The following MIPOL1 variants were observed in gnomAD, a reference collection of about 807,000 sequenced individuals.
The protein encoded by MIPOL1 is mirror-image polydactyly gene 1 protein.
A neutral mutation model predicts 60.9 loss-of-function variants in MIPOL1; 57 were observed. That is an observed-to-expected ratio of 0.94 (90% CI 0.76 to 1.17). The LOEUF (loss-of-function observed/expected upper bound fraction) is 1.17, where lower values mean the gene tolerates loss of function less well. Ranked by LOEUF, MIPOL1 falls within the 50% of genes most tolerant of loss-of-function variation. The pLI is 0.00. For missense variants in MIPOL1, 551 were observed against 511.6 expected (o/e 1.08, Z -0.74); for synonymous variants, 179 against 168.8 (o/e 1.06, Z -0.47).
intron 7 of MIPOL1, among the ~76,000 whole-genome samples, chr14:37,288,541 C>T (rs2084783892): frequency 1.3e-5 from 2 of 152,066 alleles, no homozygotes; most frequent in South Asian, 4.1e-4. Flanking sequence ...TGGTAGCTCA[C>T]ACCTGTAATC....
chr14:37,456,550 A>G (rs1336135357), intron 11 of MIPOL1, among the ~76,000 whole-genome samples: 2 of 152,246 alleles, frequency 1.3e-5, no homozygotes, highest in Admixed American at 6.5e-5. Flanking sequence ...GTAATCCACT[A>G]TTTCAATCCC....
At chr14:37,458,665 A>T (rs1292836364) in intron 11 of MIPOL1, among the ~76,000 whole-genome samples, 9 of 151,918 alleles carry the variant, frequency 5.9e-5, no homozygotes, top group Admixed American at 5.9e-4. Context: ...CTAAAAAAAA[A>T]ATACACACAC....
intron 1 of MIPOL1, among the ~76,000 whole-genome samples, chr14:37,207,276 G>T (rs1038057282): frequency 6.6e-6 from 1 of 151,900 alleles, no homozygotes; most frequent in Non-Finnish European, 1.5e-5. Context: ...GAACCCTTTC[G>T]CTTGGCTTTC....
At chr14:37,253,392 A>G (rs189771154) in intron 3 of MIPOL1, among the ~76,000 whole-genome samples, 208 of 151,930 alleles carry the variant, frequency 1.4e-3, no homozygotes, top group African/African-American at 4.9e-3. Flanking sequence ...GAGGAATGCT[A>G]TATGTAAAGT....
At chr14:37,461,258 A>G (rs2094535152) in intron 11 of MIPOL1, among the ~76,000 whole-genome samples, 2 of 152,230 alleles carry the variant, frequency 1.3e-5, no homozygotes, top group African/African-American at 4.8e-5. Context: ...CCTCACAATC[A>G]TGGCAGAAGG....
At chr14:37,512,493 C>T (rs2095336448) in intron 12 of MIPOL1, among the ~76,000 whole-genome samples, 1 of 148,918 alleles carries the variant, frequency 6.7e-6, no homozygotes, top group South Asian at 2.1e-4. Context: ...AAAAAAAAAG[C>T]CTGCTATTTT....
chr14:37,200,900 A>ATT (rs60919541), intron 1 of MIPOL1, among the ~76,000 whole-genome samples: 2 of 53,942 alleles, frequency 3.7e-5, no homozygotes, highest in Admixed American at 2.6e-4. Context: ...GTGTGTGTGT[A>ATT]TTTTTTTTTT....
intron 12 of MIPOL1, among the ~76,000 whole-genome samples, chr14:37,520,206 A>G (rs1192075420): frequency 6.6e-6 from 1 of 152,150 alleles, no homozygotes; most frequent in African/African-American, 2.4e-5. Context: ...TTGATATATT[A>G]TCTCTACTAG....
At chr14:37,291,851 A>G (rs889904475) in intron 7 of MIPOL1, among the ~76,000 whole-genome samples, 8 of 150,692 alleles carry the variant, frequency 5.3e-5, no homozygotes, top group Non-Finnish European at 1.0e-4. Flanking sequence ...AGAGGAGCCT[A>G]GTGGCCTAAT....
intron 12 of MIPOL1, among the ~76,000 whole-genome samples, chr14:37,541,257 A>G (rs1355053347): frequency 6.6e-6 from 1 of 152,174 alleles, no homozygotes; most frequent in African/African-American, 2.4e-5. Flanking sequence ...CAAAATATCC[A>G]GTCCCTTGCT....
At chr14:37,360,954 T>C (rs2092198243) in intron 9 of MIPOL1, among the ~76,000 whole-genome samples, 1 of 152,222 alleles carries the variant, frequency 6.6e-6, no homozygotes, top group Non-Finnish European at 1.5e-5. Flanking sequence ...TTGTGGGCAT[T>C]TAGTGCTATA....
At chr14:37,545,677 A>C in intron 12 of MIPOL1, 1 of 658,548 alleles carries the variant, frequency 1.5e-6, no homozygotes, top group Non-Finnish European at 2.7e-6. Flanking sequence ...TTCTTGATAG[A>C]TACAAAATCA....
intron 6 of MIPOL1, among the ~76,000 whole-genome samples, chr14:37,280,649 T>A (rs2084028390): frequency 6.6e-6 from 1 of 152,080 alleles, no homozygotes. Context: ...CTTTGCCCAT[T>A]TTTATTTATT....
chr14:37,537,401 A>AT (rs888056358), intron 12 of MIPOL1, among the ~76,000 whole-genome samples: 4 of 151,778 alleles, frequency 2.6e-5, no homozygotes, highest in African/African-American at 7.2e-5. Context: ...GCTAGTGTCA[A>AT]TTTTTTTTGC....
intron 10 of MIPOL1, among the ~76,000 whole-genome samples, chr14:37,372,729 T>G (rs1455000180): frequency 1.4e-5 from 2 of 137,960 alleles, no homozygotes; most frequent in Non-Finnish European, 3.1e-5. Flanking sequence ...CATTCCAGCC[T>G]GGGCAACAGA....
At chr14:37,241,128 G>A (rs753286530) in intron 1 of MIPOL1, among the ~76,000 whole-genome samples, 2 of 152,074 alleles carry the variant, frequency 1.3e-5, no homozygotes, top group Non-Finnish European at 2.9e-5. Context: ...CCAGTTTAAC[G>A]ACTACTGAGC....
intron 7 of MIPOL1, among the ~76,000 whole-genome samples, chr14:37,307,179 A>G (rs2086856682): frequency 6.6e-6 from 1 of 151,808 alleles, no homozygotes; most frequent in African/African-American, 2.4e-5. Context: ...AAACGGGGAA[A>G]ACTTGAGAAA....
intron 11 of MIPOL1, among the ~76,000 whole-genome samples, chr14:37,457,850 T>C (rs1190409031): frequency 8.5e-5 from 13 of 152,140 alleles, no homozygotes; most frequent in South Asian, 2.1e-4. Flanking sequence ...ATTATTTGGG[T>C]TCACAAGTTA....
intron 11 of MIPOL1, among the ~76,000 whole-genome samples, chr14:37,471,210 AT>A (rs1407074089): frequency 6.6e-6 from 1 of 152,176 alleles, no homozygotes; most frequent in Non-Finnish European, 1.5e-5. Context: ...AACATAGACA[AT>A]TTGATTCTAA....
Sources: gnomAD v4.1 joint callset for allele counts (sites outside exome capture counted in the v4.1 genomes callset) on GRCh38, gnomAD v4.1.1 for gene constraint, MANE v1.5 for transcripts, NCBI Gene and HGNC (gene_info 2026-07-23, HGNC 2026-07-21) for gene names.